The following SFMBT1 variants were observed in gnomAD, a reference collection of about 807,000 sequenced individuals.
SFMBT1 encodes scm-like with four MBT domains protein 1.
A neutral mutation model predicts 108.7 loss-of-function variants in SFMBT1; 32 were observed. That is an observed-to-expected ratio of 0.29 (90% confidence interval 0.22 to 0.40). The LOEUF is 0.40. Among genes scored for constraint, SFMBT1 ranks in the 10% least tolerant of loss-of-function variants. SFMBT1 has a pLI of 1.00. For missense variants in SFMBT1, 816 were observed against 1,059.6 expected, an observed-to-expected ratio of 0.77 and a Z score of 3.19; for synonymous variants, 348 against 369.5, an observed-to-expected ratio of 0.94 and a Z score of 0.67.
chr3:52,928,405 C>A, intron 8 of SFMBT1, 64 bp from the exon 9 acceptor site: 1 of 1,535,858 alleles, frequency 6.5e-7, no homozygotes, highest in South Asian at 1.2e-5. Flanking sequence ...TTCTCCTTGG[C>A]ACAGCCAAAC....
At chr3:52,955,394 C>T (rs1356558530) in intron 2 of SFMBT1, among the ~76,000 whole-genome samples, 9 of 151,588 alleles carry the variant, frequency 5.9e-5, no homozygotes, top group South Asian at 4.2e-4. Context: ...GCCTGGGTGA[C>T]GGAGCGAGAC....
At chr3:53,026,150 T>G (rs1699483085) in intron 1 of SFMBT1, among the ~76,000 whole-genome samples, 1 of 152,184 alleles carries the variant, frequency 6.6e-6, no homozygotes, top group African/African-American at 2.4e-5. Flanking sequence ...CATCACTACA[T>G]GAAAACACAA....
intron 1 of SFMBT1, among the ~76,000 whole-genome samples, chr3:52,989,057 C>A (rs1024160217): frequency 1.5e-4 from 22 of 151,258 alleles, no homozygotes; most frequent in Non-Finnish European, 1.5e-5. Flanking sequence ...TAAATCTCTA[C>A]ACCTGTTAAA....
intron 1 of SFMBT1, among the ~76,000 whole-genome samples, chr3:53,003,121 C>A (rs1423429969): frequency 3.9e-4 from 24 of 62,002 alleles, no homozygotes; most frequent in Admixed American, 6.9e-4. Flanking sequence ...GACTCCATCA[C>A]AAAAAAAAAA....
At chr3:52,987,361 A>C (rs1266740611) in intron 1 of SFMBT1, among the ~76,000 whole-genome samples, 1 of 149,958 alleles carries the variant, frequency 6.7e-6, no homozygotes, top group African/African-American at 2.4e-5. Flanking sequence ...GTGCAGGTTT[A>C]TTTACACCAG....
intron 1 of SFMBT1, among the ~76,000 whole-genome samples, chr3:53,015,531 C>G (rs1035375046): frequency 6.6e-6 from 1 of 152,092 alleles, no homozygotes; most frequent in Non-Finnish European, 1.5e-5. Context: ...ACAAACAACC[C>G]AAATGTTCAT....
At chr3:52,991,667 A>C (rs1425123022) in intron 1 of SFMBT1, among the ~76,000 whole-genome samples, 2 of 152,072 alleles carry the variant, frequency 1.3e-5, no homozygotes, top group Non-Finnish European at 2.9e-5. Context: ...TTAATCCCTA[A>C]TATGAGAGTA....
intron 9 of SFMBT1, among the ~76,000 whole-genome samples, chr3:52,926,671 T>C (rs1401689433): frequency 6.6e-6 from 1 of 152,188 alleles, no homozygotes; most frequent in African/African-American, 2.4e-5. Context: ...AAATCATGTA[T>C]TTATTTCAGA....
At chr3:52,951,102 C>A (rs1172764991) in intron 3 of SFMBT1, among the ~76,000 whole-genome samples, 2 of 103,784 alleles carry the variant, frequency 1.9e-5, no homozygotes, top group Non-Finnish European at 1.8e-5. Flanking sequence ...GGCAACAGAG[C>A]AAGACTCTTA....
At chr3:52,993,968 A>C (rs1033456526) in intron 1 of SFMBT1, among the ~76,000 whole-genome samples, 2 of 150,318 alleles carry the variant, frequency 1.3e-5, no homozygotes, top group African/African-American at 4.8e-5. Context: ...CTTATAAAGT[A>C]GTAATTCAGG....
chr3:52,930,998 C>T lies in SFMBT1; in HGVS notation c.738G>A (p.Glu246=), dbSNP rs141709546. Residue 246 remains glutamate (E), a synonymous_variant, in exon 7 of 21, where the codon GAG becomes GAA. Coordinates refer to ENST00000394752, the MANE Select transcript of SFMBT1 (RefSeq NM_016329.4). ...CTTCCTCTTTCACTTTGGCCAAAAT[C>T]TCTTGCCACTCAGCTTCATTTTTTA... ...RHLKNEAEWQ[E]ILAKVKEEEE... 2,568 of 1,614,026 alleles carry T rather than the reference C, an allele frequency of 1.6e-3. 5 individuals carry two copies. Among genetic ancestry groups the T allele is most frequent in the Non-Finnish European group, 2.0e-3 (2,406 of 1,179,938 alleles).
At chr3:52,974,931 C>T (rs1235738949) in intron 1 of SFMBT1, among the ~76,000 whole-genome samples, 1 of 150,944 alleles carries the variant, frequency 6.6e-6, no homozygotes, top group Non-Finnish European at 1.5e-5. Context: ...TGCTTGAACC[C>T]AGGGCAAAGG....
Position 52,912,943 on chromosome 3 carries a change from G to A in SFMBT1, c.1621-296C>T, listed in dbSNP as rs192319690. 2.0e-5 allele frequency among the ~76,000 whole-genome samples: 3 copies of A among 152,254 alleles called. No individual in the cohort carries two copies. In the East Asian group the frequency reaches 5.8e-4, roughly 29 times the overall value. ...TGCTTCCAAATGCTTTCCCAGCCAC[G>A]GTACACACAGAAAATTATATTTGTT... On this transcript the variant is annotated intron_variant, in intron 15 of 20. Transcript: ENST00000394752.
chr3:52,984,688 T>C (rs932965689), intron 1 of SFMBT1, among the ~76,000 whole-genome samples: 1 of 123,142 alleles, frequency 8.1e-6, no homozygotes, highest in Non-Finnish European at 1.8e-5. Flanking sequence ...ATAGGTAATA[T>C]ATATTATTAT....
chr3:53,020,789 G>C (rs1031007143), intron 1 of SFMBT1, among the ~76,000 whole-genome samples: 3 of 152,144 alleles, frequency 2.0e-5, no homozygotes, highest in African/African-American at 7.2e-5. Flanking sequence ...GGGTACGGTG[G>C]TTCACGCCTG....
chr3:52,923,939 G>A (rs1244734247), intron 10 of SFMBT1, among the ~76,000 whole-genome samples: 3 of 152,134 alleles, frequency 2.0e-5, no homozygotes, highest in Admixed American at 1.3e-4. Context: ...GTTCATCACT[G>A]TGAAAAGTGG....
intron 1 of SFMBT1, among the ~76,000 whole-genome samples, chr3:52,982,597 C>T (rs1190506069): frequency 6.6e-6 from 1 of 151,908 alleles, no homozygotes; most frequent in African/African-American, 2.4e-5. Context: ...GACATGGTGG[C>T]ATATGCCTGT....
chr3:52,963,902 G>A (rs1300679583), intron 2 of SFMBT1, among the ~76,000 whole-genome samples: 1 of 152,086 alleles, frequency 6.6e-6, no homozygotes, highest in Non-Finnish European at 1.5e-5. Flanking sequence ...ACTTCTATAG[G>A]ATAAAAACAA....
chr3:52,983,416 T>C (rs1257438945), intron 1 of SFMBT1, among the ~76,000 whole-genome samples: 1 of 152,212 alleles, frequency 6.6e-6, no homozygotes, highest in Non-Finnish European at 1.5e-5. Flanking sequence ...CAGTAGGCTA[T>C]TAGTAAAGTT....
Sources: gnomAD v4.1 joint callset for allele counts (sites outside exome capture counted in the v4.1 genomes callset) on GRCh38, gnomAD v4.1.1 for gene constraint, MANE v1.5 for transcripts, NCBI Gene and HGNC (gene_info 2026-07-23, HGNC 2026-07-21) for gene names.